HECW2: variants seen among roughly 807,000 people sequenced by gnomAD.
The protein encoded by HECW2 is HECT, C2 and WW domain containing E3 ubiquitin protein ligase 2.
In HECW2, 61 loss-of-function variants were observed where a neutral mutation model predicts 175.2. That is an observed-to-expected ratio of 0.35 (90% CI 0.28 to 0.43). The LOEUF (loss-of-function observed/expected upper bound fraction) is 0.43, where lower values mean the gene tolerates loss of function less well. Among genes scored for constraint, HECW2 ranks in the 20% least tolerant of loss-of-function variants. The probability of loss-of-function intolerance (pLI) is 1.00; values close to 1 mark genes in which losing one functional copy is unlikely to be tolerated. For missense variants in HECW2, 1,524 were observed against 2,000.5 expected (o/e 0.76, Z 4.54); for synonymous variants, 671 against 731.0 (o/e 0.92, Z 1.32).
At chr2:196,343,828 T>G in intron 2 of HECW2, 64 bp from the exon 3 acceptor site, 1 of 990,902 alleles carries the variant, frequency 1.0e-6, no homozygotes, top group South Asian at 1.3e-5. Context: ...GCAGGAAGAT[T>G]AACATAAGTT....
intron 21 of HECW2, among the ~76,000 whole-genome samples, chr2:196,233,220 C>G (rs1223033428): frequency 6.6e-6 from 1 of 152,066 alleles, no homozygotes; most frequent in Non-Finnish European, 1.5e-5. Flanking sequence ...AAACTCTGGA[C>G]GACGGGTGTG....
intron 21 of HECW2, among the ~76,000 whole-genome samples, chr2:196,236,637 G>C (rs1688263138): frequency 6.6e-6 from 1 of 152,090 alleles, no homozygotes; most frequent in Admixed American, 6.5e-5. Context: ...GGCTCCTCTG[G>C]TCTTTGATGA....
At chr2:196,309,544 A>G (rs1311860624) in intron 10 of HECW2, among the ~76,000 whole-genome samples, 3 of 152,140 alleles carry the variant, frequency 2.0e-5, no homozygotes, top group Non-Finnish European at 2.9e-5. Context: ...TTTTCAAAAC[A>G]CTTTGATTTA....
At chr2:196,559,748 T>C (rs192656400) in intron 1 of HECW2, among the ~76,000 whole-genome samples, 1 of 152,342 alleles carries the variant, frequency 6.6e-6, no homozygotes, top group East Asian at 1.9e-4. Flanking sequence ...GGCTTATGGC[T>C]AGTAAAATGA....
Position 196,318,961 on chromosome 2 carries a change from G to A in HECW2, c.1929C>T (p.Ser643=). 1.2e-6 allele frequency: 2 copies of A among 1,612,098 alleles called. No individual in the cohort carries two copies. The highest frequency in any genetic ancestry group is 1.7e-6 in the Non-Finnish European group (2 of 1,178,966). ...EGESDLECAD[S]SCNESVTTQL... is the part of the protein sequence containing the mutation. ...GCGTGGTCACACTCTCATTGCAGGA[G>A]CTGTCAGCGCATTCCAGGTCACTCT... The change falls in exon 9 of 29, where the codon AGC becomes AGT. Residue 643 remains serine, a synonymous_variant. Coordinates refer to ENST00000644978, the MANE Select transcript of HECW2 (RefSeq NM_001348768.2).
At chr2:196,510,984 G>T (rs1357742547) in intron 1 of HECW2, among the ~76,000 whole-genome samples, 1 of 151,342 alleles carries the variant, frequency 6.6e-6, no homozygotes, top group Non-Finnish European at 1.5e-5. Flanking sequence ...TGTTTGTTTT[G>T]AGACAGGGTC....
At chr2:196,473,475 C>T (rs1444131436) in intron 1 of HECW2, among the ~76,000 whole-genome samples, 1 of 152,154 alleles carries the variant, frequency 6.6e-6, no homozygotes, top group East Asian at 1.9e-4. Flanking sequence ...TAGGGATGAC[C>T]ATTAATGGAC....
chr2:196,388,667 C>CT (rs1341961384), intron 2 of HECW2, among the ~76,000 whole-genome samples: 1 of 152,146 alleles, frequency 6.6e-6, no homozygotes, highest in Non-Finnish European at 1.5e-5. Flanking sequence ...CAACATATAT[C>CT]TTTTTCCTTT....
chr2:196,425,572 T>TTCTGGCCC (rs1695521110), intron 2 of HECW2, among the ~76,000 whole-genome samples: 1 of 152,066 alleles, frequency 6.6e-6, no homozygotes, highest in Admixed American at 6.6e-5. Flanking sequence ...CTTTGAAGGG[T>TTCTGGCCC]TCAAGACTTC....
intron 2 of HECW2, among the ~76,000 whole-genome samples, chr2:196,382,069 T>A (rs559819732): frequency 5.3e-4 from 81 of 152,124 alleles, no homozygotes; most frequent in African/African-American, 1.8e-3. Context: ...CCTGGAAAAA[T>A]CTGAACAATA....
At chr2:196,400,207 C>T (rs1273040622) in intron 2 of HECW2, among the ~76,000 whole-genome samples, 1 of 152,164 alleles carries the variant, frequency 6.6e-6, no homozygotes, top group African/African-American at 2.4e-5. Context: ...GCCTTTGCAG[C>T]CTTCACTATG....
intron 2 of HECW2, among the ~76,000 whole-genome samples, chr2:196,400,667 T>A (rs1314678730): frequency 6.6e-6 from 1 of 152,036 alleles, no homozygotes; most frequent in Non-Finnish European, 1.5e-5. Flanking sequence ...TACTTGAAAA[T>A]CATGAAAACC....
At chr2:196,320,011 G>C (rs1691880566) in intron 8 of HECW2, 107 bp from the exon 9 acceptor site, 1 of 1,149,616 alleles carries the variant, frequency 8.7e-7, no homozygotes, top group Non-Finnish European at 1.2e-6. Flanking sequence ...CAGTCATTCT[G>C]AGGGCTTTCT....
intron 13 of HECW2, among the ~76,000 whole-genome samples, chr2:196,294,560 C>T (rs546249022): frequency 4.4e-4 from 67 of 152,188 alleles, no homozygotes; most frequent in Admixed American, 1.0e-3. Context: ...CAAGGCAAAC[C>T]CCAAGGACTC....
intron 1 of HECW2, among the ~76,000 whole-genome samples, chr2:196,436,074 A>G (rs983611569): frequency 6.6e-6 from 1 of 152,186 alleles, no homozygotes; most frequent in Non-Finnish European, 1.5e-5. Flanking sequence ...TCAGAGCCCA[A>G]GCTTTGGCCC....
At chr2:196,220,963 A>C (rs1687643632) in intron 24 of HECW2, 22 bp from the exon 25 acceptor site, 1 of 1,612,198 alleles carries the variant, frequency 6.2e-7, no homozygotes. Flanking sequence ...AAATAAAAAG[A>C]ATGACTACAA....
At chr2:196,485,874 G>A (rs1234920069) in intron 1 of HECW2, among the ~76,000 whole-genome samples, 3 of 152,128 alleles carry the variant, frequency 2.0e-5, no homozygotes. Flanking sequence ...AAATAAAATG[G>A]AGACCCAGGC....
chr2:196,282,465 T>A (rs749495325), intron 14 of HECW2, among the ~76,000 whole-genome samples: 8 of 152,122 alleles, frequency 5.3e-5, no homozygotes, highest in Non-Finnish European at 1.0e-4. Context: ...CTTGGTTTTA[T>A]ACATTTTAGA....
chr2:196,360,994 A>G (rs909569167), intron 2 of HECW2, among the ~76,000 whole-genome samples: 6 of 152,236 alleles, frequency 3.9e-5, no homozygotes. Flanking sequence ...ACTAAATGCC[A>G]GTTGCACCCT....
Sources: allele counts gnomAD v4.1 joint callset (sites outside exome capture counted in the v4.1 genomes callset), GRCh38; gene constraint gnomAD v4.1.1; transcripts MANE v1.5; gene names NCBI Gene and HGNC (gene_info 2026-07-23, HGNC 2026-07-21).